Variants in MRC1 observed in about 807,000 individuals in gnomAD.
MRC1 encodes mannose receptor C-type 1.
A neutral mutation model predicts 102.9 loss-of-function variants in MRC1; 62 were observed. The observed-to-expected ratio is 0.60, with a 90% CI of 0.49 to 0.74. The LOEUF is 0.74. Among genes scored for constraint, MRC1 ranks in the 30% least tolerant of loss-of-function variants. MRC1 has a pLI of 0.00. For synonymous variants in MRC1, 457 were observed against 298.4 expected (o/e 1.53, Z -5.48); for missense variants, 1,237 against 862.8 (o/e 1.43, Z -5.43).
intron 3 of MRC1, among the ~76,000 whole-genome samples, chr10:17,831,121 C>T (rs1838565525): frequency 6.7e-6 from 1 of 149,362 alleles, no homozygotes; most frequent in African/African-American, 2.5e-5. Context: ...TGATCGCGAA[C>T]TCCTAACCTT....
intron 16 of MRC1, among the ~76,000 whole-genome samples, chr10:17,874,538 G>C (rs1420960284): frequency 6.6e-6 from 1 of 152,124 alleles, no homozygotes; most frequent in Non-Finnish European, 1.5e-5. Context: ...TAGGTTCCAG[G>C]GGTTAGGAAC....
chr10:17,851,948 C>T (rs1202670788), intron 7 of MRC1, among the ~76,000 whole-genome samples: 10 of 152,204 alleles, frequency 6.6e-5, no homozygotes, highest in African/African-American at 2.4e-4. Flanking sequence ...TCTACCACAA[C>T]ATCATCTTTA....
intron 26 of MRC1, 104 bp from the exon 27 acceptor site, chr10:17,906,782 A>T: frequency 2.6e-6 from 2 of 773,484 alleles, no homozygotes; most frequent in Non-Finnish European, 4.8e-6. Flanking sequence ...TTAAGTGGAG[A>T]TGTTAGGCTG....
chr10:17,816,296 C>G (rs917467668), intron 1 of MRC1, among the ~76,000 whole-genome samples: 13 of 152,198 alleles, frequency 8.5e-5, no homozygotes, highest in African/African-American at 3.1e-4. Flanking sequence ...GACAATTGCA[C>G]TCTGGTTTGA....
intron 3 of MRC1, among the ~76,000 whole-genome samples, chr10:17,830,591 C>T (rs944626898): frequency 2.6e-5 from 4 of 151,188 alleles, no homozygotes; most frequent in East Asian, 1.9e-4. Flanking sequence ...TTTCAAGTAT[C>T]GTGAGAACAG....
chr10:17,878,853 A>G (rs1833473305), intron 18 of MRC1, among the ~76,000 whole-genome samples: 3 of 152,126 alleles, frequency 2.0e-5, no homozygotes, highest in Admixed American at 2.0e-4. Context: ...AAGAGTAAAA[A>G]TGTTGGATCT....
chr10:17,904,086 C>T (rs1833865732), intron 26 of MRC1, among the ~76,000 whole-genome samples: 1 of 152,222 alleles, frequency 6.6e-6, no homozygotes, highest in Non-Finnish European at 1.5e-5. Context: ...ACAAAAACAA[C>T]TTTATCCATT....
chr10:17,862,549 T>A (rs1833199837), intron 10 of MRC1, among the ~76,000 whole-genome samples: 1 of 152,212 alleles, frequency 6.6e-6, no homozygotes, highest in African/African-American at 2.4e-5. Flanking sequence ...TTTATATTTA[T>A]TTTTCCTTGT....
Position 17,885,307 on chromosome 10 carries a change from G to T in MRC1, c.3019G>T (p.Ala1007Ser). ...TYHMKDSTFS[A>S]WTGLNDVNSE... ...TCACATGAAGGACTCCACTTTCAGT[G>T]CCTGGACTGGGCTGAATGATGTCAA... is the stretch of plus-strand genomic sequence containing the variant. The change falls in exon 22 of 30, where the codon GCC becomes TCC. Residue 1007 changes from alanine (A) to serine (S), a missense_variant. Physicochemically the swap from Ala to Ser is moderately conservative, Grantham distance 99. Coordinates refer to ENST00000569591, the MANE Select transcript of MRC1 (RefSeq NM_002438.4). The T allele has an allele frequency of 1.3e-6, 1 of 780,850 alleles. No individual in the cohort carries two copies. Among genetic ancestry groups the T allele is most frequent in the Non-Finnish European group, 2.4e-6 (1 of 417,956 alleles). The allele number at this position is 780,850 out of a possible 1,614,324, so 48.4% of individuals were successfully genotyped here.
At chr10:17,842,110 G>A (rs1375358547) in intron 5 of MRC1, among the ~76,000 whole-genome samples, 1 of 152,082 alleles carries the variant, frequency 6.6e-6, no homozygotes, top group Admixed American at 6.6e-5. Context: ...TTACAAGCAT[G>A]CACCACCATG....
chr10:17,829,681 A>T (rs1838539479), intron 3 of MRC1, among the ~76,000 whole-genome samples: 1 of 151,560 alleles, frequency 6.6e-6, no homozygotes. Flanking sequence ...CTTAATAGGA[A>T]TGATATTTTC....
chr10:17,864,849 A>AG (rs1833240405), intron 11 of MRC1, among the ~76,000 whole-genome samples: 1 of 139,388 alleles, frequency 7.2e-6, no homozygotes, highest in Non-Finnish European at 1.6e-5. Flanking sequence ...AAAAAAAAAA[A>AG]GCAGTGGAAA....
At chr10:17,890,119 T>C (rs1833652571) in intron 22 of MRC1, among the ~76,000 whole-genome samples, 1 of 152,204 alleles carries the variant, frequency 6.6e-6, no homozygotes, top group Non-Finnish European at 1.5e-5. Flanking sequence ...GGTTTTTTCT[T>C]TCAGCACTTT....
At chr10:17,839,518 T>C (rs1187254303) in intron 4 of MRC1, among the ~76,000 whole-genome samples, 1 of 151,938 alleles carries the variant, frequency 6.6e-6, no homozygotes, top group African/African-American at 2.4e-5. Flanking sequence ...AAGAATTTTT[T>C]TGAAGGTTGT....
intron 4 of MRC1, among the ~76,000 whole-genome samples, chr10:17,836,273 T>A (rs1838660526): frequency 6.6e-6 from 1 of 152,214 alleles, no homozygotes; most frequent in Non-Finnish European, 1.5e-5. Context: ...AGCAATATGA[T>A]GTCACTGTGG....
intron 26 of MRC1, among the ~76,000 whole-genome samples, chr10:17,903,025 A>T (rs2130720241): frequency 6.6e-6 from 1 of 152,286 alleles, no homozygotes; most frequent in East Asian, 1.9e-4. Context: ...AGTCTATTTT[A>T]TCTAATATTT....
At chr10:17,848,755 T>C (rs903882010) in intron 6 of MRC1, among the ~76,000 whole-genome samples, 2 of 152,214 alleles carry the variant, frequency 1.3e-5, no homozygotes, top group African/African-American at 2.4e-5. Context: ...ATTCAGGTTT[T>C]AGGAGTTATG....
At chr10:17,908,790 A>C (rs1833931191) in intron 28 of MRC1, among the ~76,000 whole-genome samples, 1 of 152,290 alleles carries the variant, frequency 6.6e-6, no homozygotes, top group East Asian at 1.9e-4. Context: ...GCTGGTCTCG[A>C]ACTCCGGACC....
intron 1 of MRC1, among the ~76,000 whole-genome samples, chr10:17,810,854 A>G (rs988050503): frequency 6.6e-6 from 1 of 152,188 alleles, no homozygotes; most frequent in Admixed American, 6.5e-5. Flanking sequence ...GTGCAGTGGC[A>G]TGATCTTGGC....
Sources: gnomAD v4.1 joint callset for allele counts (sites outside exome capture counted in the v4.1 genomes callset) on GRCh38, gnomAD v4.1.1 for gene constraint, MANE v1.5 for transcripts, NCBI Gene and HGNC (gene_info 2026-07-23, HGNC 2026-07-21) for gene names.